The following PCSK9 variants were observed in gnomAD, a reference collection of about 807,000 sequenced individuals.
The protein encoded by PCSK9 is proprotein convertase subtilisin/kexin type 9, also known as convertase subtilisin/kexin type 9 preproprotein.
A neutral mutation model predicts 62.1 loss-of-function variants in PCSK9; 57 were observed. The observed-to-expected ratio is 0.92, with a 90% CI of 0.74 to 1.14. The LOEUF is 1.14. PCSK9 is among the 50% of genes most tolerant of loss of function. PCSK9 has a pLI of 0.00. For synonymous variants in PCSK9, 387 were observed against 409.4 expected (o/e 0.95, Z 0.66); for missense variants, 870 against 959.8 (o/e 0.91, Z 1.24).
rs28362206 is a variant in PCSK9, at chr1:55,040,788, G to A, written c.207+744G>A. On this transcript the variant is annotated intron_variant, in intron 1 of 11. Coordinates refer to ENST00000302118, the MANE Select transcript of PCSK9 (RefSeq NM_174936.4). The surrounding 1 kb of genome is among the most constrained non-coding windows in gnomAD (Gnocchi z 4.1). ...GTGCGCCTGGTACTGGGACCCCGGAGCTGAGCCCGGCGCCTCAGCCCACCT... is the reference window on the plus strand; with the variant it reads ...GTGCGCCTGGTACTGGGACCCCGGAACTGAGCCCGGCGCCTCAGCCCACCT... Among the ~76,000 whole-genome samples, 1,276 of 152,368 alleles carry A rather than the reference G, an allele frequency of 8.4e-3. 14 individuals carry two copies. The highest frequency in any genetic ancestry group is 0.028 in the African/African-American group (1,172 of 41,594).
intron 3 of PCSK9, among the ~76,000 whole-genome samples, chr1:55,050,050 G>A (rs114086698): frequency 0.015 from 2,292 of 152,324 alleles, 54 homozygotes; most frequent in African/African-American, 0.052. Flanking sequence ...CTCGATGTGC[G>A]TTGTGTGGCT....
chr1:55,042,896 G>A (rs1340421117), intron 1 of PCSK9, among the ~76,000 whole-genome samples: 1 of 152,194 alleles, frequency 6.6e-6, no homozygotes, highest in Non-Finnish European at 1.5e-5. Flanking sequence ...TGCCGTCCTT[G>A]TGATAATGAG....
chr1:55,044,976 T>C (rs1644623456), intron 2 of PCSK9, among the ~76,000 whole-genome samples: 1 of 152,162 alleles, frequency 6.6e-6, no homozygotes, highest in Non-Finnish European at 1.5e-5. Context: ...ATGCCTTCCA[T>C]CAGTCTGCTC....
chr1:55,057,068 C>CCGGT (rs10674598), intron 6 of PCSK9, among the ~76,000 whole-genome samples: 98,798 of 151,956 alleles, frequency 0.65, 33,853 homozygotes, highest in East Asian at 0.87. Flanking sequence ...CGAATAGTTT[C>CCGGT]CTATCTCCCC....
In PCSK9 at chr1:55,058,551, G is replaced by T. The variant is rs747317254; in HGVS notation, c.1407G>T (p.Arg469=). Residue 469 remains arginine, a synonymous_variant, in exon 9 of 12, where the codon CGG becomes CGT. Transcript: ENST00000302118. ...TVWSAHSGPT[R]MATAVARCAP... ...GGTCAGCACACTCGGGGCCTACACGGATGGCCACAGCCGTCGCCCGCTGCG... is the reference window on the plus strand; with the variant it reads ...GGTCAGCACACTCGGGGCCTACACGTATGGCCACAGCCGTCGCCCGCTGCG... The T allele has an allele frequency of 4.3e-6, 7 of 1,612,018 alleles. No homozygotes were observed. The South Asian group carries it at 7.7e-5, about 18-fold the overall frequency.
At position 55,058,037 on chromosome 1, in the gene PCSK9, C is replaced by G. The variant is rs1644729067; in HGVS notation, c.1182C>G (p.Gly394=). The change falls in exon 8 of 12, where the codon GGC becomes GGG. Residue 394 remains glycine (G), a splice_region_variant and synonymous_variant. Coordinates refer to ENST00000302118, the MANE Select transcript of PCSK9 (RefSeq NM_174936.4). ...TTTCACCATTCACCCCTGCACCAGG[C>G]ATTGCAGCCATGATGCTGTCTGCCG... ...GTSQAAAHVA[G]IAAMMLSAEP... is the part of the protein sequence containing the mutation. 6.2e-7 allele frequency: 1 copy of G among 1,613,558 alleles called. No homozygotes were observed. Among genetic ancestry groups the G allele is most frequent in the Non-Finnish European group, 8.5e-7 (1 of 1,180,042 alleles).
intron 2 of PCSK9, among the ~76,000 whole-genome samples, chr1:55,045,707 T>C (rs1644629386): frequency 6.6e-6 from 1 of 151,462 alleles, no homozygotes; most frequent in African/African-American, 2.4e-5. Context: ...CCATTTTTTT[T>C]TTTTTTTGAG....
At chr1:55,046,762 A>G (rs1272301021) in intron 3 of PCSK9, 116 bp downstream of exon 3, 21 of 1,134,106 alleles carry the variant, frequency 1.9e-5, no homozygotes, top group Non-Finnish European at 1.3e-6. Context: ...GGGACTCAGC[A>G]CCTCCACTGA....
chr1:55,060,402 G>C (rs1320266387), intron 10 of PCSK9, among the ~76,000 whole-genome samples: 1 of 152,196 alleles, frequency 6.6e-6, no homozygotes, highest in Non-Finnish European at 1.5e-5. Flanking sequence ...TCTCGTCTGA[G>C]CACGTCCAGG....
In PCSK9 at chr1:55,046,655, C is replaced by T. The variant is rs1644637700; in HGVS notation, c.523+9C>T. ...TGAATACCAGCCCCCCGGTAAGACC[C>T]CCATCTGTGCCCTGCCCCACCCCAT... On this transcript the variant is annotated intron_variant, in intron 3 of 11. Transcript: ENST00000302118. 2.5e-6 allele frequency: 4 copies of T among 1,613,574 alleles called. No homozygotes were observed. The highest frequency in any genetic ancestry group is 3.4e-6 in the Non-Finnish European group (4 of 1,179,912).
chr1:55,061,201 G>A (rs574988519), intron 10 of PCSK9, among the ~76,000 whole-genome samples, 174 bp from the exon 11 acceptor site: 1 of 152,352 alleles, frequency 6.6e-6, no homozygotes, highest in South Asian at 2.1e-4. Flanking sequence ...CAGCTGCAGA[G>A]TTGAGAACAC....
Position 55,039,978 on chromosome 1 carries a change from C to G in PCSK9, c.141C>G (p.Ser47=). ...AGGAGCTGGTGCTAGCCTTGCGTTC[C>G]GAGGAGGACGGCCTGGCCGAAGCAC... ...DYEELVLALR[S]EEDGLAEAPE... is the part of the protein sequence containing the mutation. The change falls in exon 1 of 12, where the codon TCC becomes TCG. Residue 47 remains serine, a synonymous_variant. Transcript: ENST00000302118. 1 of 1,580,726 alleles carries G rather than the reference C, an allele frequency of 6.3e-7. No individual in the cohort carries two copies.
rs1351927141 is a variant in PCSK9 at position 55,040,276 on chromosome 1, G to T, written c.207+232G>T. Among the ~76,000 whole-genome samples, 1 of 152,208 alleles carries T rather than the reference G, an allele frequency of 6.6e-6. No individual in the cohort carries two copies. The highest frequency in any genetic ancestry group is 2.4e-5 in the African/African-American group (1 of 41,466). ...GCCGGCTCTTTGGGGACTTGCTGGG[G>T]CGTGCGGCTGCGCTATTCAGTGGGA... On this transcript the variant is annotated intron_variant, in intron 1 of 11. Transcript: ENST00000302118. The surrounding 1 kb of genome is among the most constrained non-coding windows in gnomAD (Gnocchi z 4.1).
Position 55,039,683 on chromosome 1 carries a change from C to T in PCSK9, c.-155C>T, listed in dbSNP as rs1375459407. 1.1e-6 allele frequency: 1 copy of T among 884,998 alleles called. No homozygotes were observed. Among genetic ancestry groups the T allele is most frequent in the Non-Finnish European group, 1.7e-6 (1 of 583,140 alleles). The allele number at this position is 884,998 out of a possible 1,614,324, so 54.8% of individuals were successfully genotyped here. ...TCGTTGCAGCAGCGGCTCCCAGCTC[C>T]CAGCCAGGATTCCGCGCGCCCCTTC... On this transcript the variant is annotated 5_prime_UTR_variant, in exon 1 of 12. Transcript: ENST00000302118.
Position 55,058,128 on chromosome 1 carries a change from A to G in PCSK9, c.1273A>G (p.Asn425Asp), listed in dbSNP as rs1644730027. 4 of 1,613,550 alleles carry G rather than the reference A, an allele frequency of 2.5e-6. No homozygotes were observed. The highest frequency in any genetic ancestry group is 3.4e-6 in the Non-Finnish European group (4 of 1,180,036). ...CCACTTCTCTGCCAAAGATGTCATC[A>G]ATGAGGCCTGGTTCCCTGAGGACCA... is the stretch of plus-strand genomic sequence containing the variant. Reference protein sequence around the residue: ...LIHFSAKDVINEAWFPEDQRV... With the variant: ...LIHFSAKDVIDEAWFPEDQRV... Residue 425 changes from asparagine to aspartate, a missense_variant, in exon 8 of 12, where the codon AAT becomes GAT. Transcript: ENST00000302118.
At chr1:55,045,475 C>G (rs1231707831) in intron 2 of PCSK9, among the ~76,000 whole-genome samples, 4 of 152,134 alleles carry the variant, frequency 2.6e-5, no homozygotes, top group African/African-American at 9.7e-5. Context: ...GAAGTGGGGG[C>G]AGGTTAAGAA....
At chr1:55,046,816 G>A (rs547965847) in intron 3 of PCSK9, among the ~76,000 whole-genome samples, 170 bp downstream of exon 3, 39 of 151,968 alleles carry the variant, frequency 2.6e-4, no homozygotes, top group African/African-American at 8.9e-4. Flanking sequence ...AGCCCCCACT[G>A]CCTGCCTTCC....
chr1:55,058,552 A>G lies in PCSK9; in HGVS notation c.1408A>G (p.Met470Val). 6.2e-7 allele frequency: 1 copy of G among 1,612,094 alleles called. No individual in the cohort carries two copies. Residue 470 changes from methionine to valine, a missense_variant, in exon 9 of 12, where the codon ATG (methionine) becomes GTG (valine). Met to Val is a conservative substitution (Grantham distance 21). Coordinates refer to ENST00000302118, the MANE Select transcript of PCSK9 (RefSeq NM_174936.4). ...VWSAHSGPTR[M>V]ATAVARCAPD... The stretch of plus-strand genomic sequence containing the variant: ...GTCAGCACACTCGGGGCCTACACGG[A>G]TGGCCACAGCCGTCGCCCGCTGCGC...
intron 4 of PCSK9, 42 bp from the exon 5 acceptor site, chr1:55,052,607 GA>G (rs1184954932): frequency 6.2e-6 from 10 of 1,610,606 alleles, no homozygotes; most frequent in Non-Finnish European, 5.9e-6. Context: ...TTATAGGGTG[GA>G]GGGGGGGTCT....
Sources: gnomAD v4.1 joint callset for allele counts (sites outside exome capture counted in the v4.1 genomes callset) on GRCh38, gnomAD v4.1.1 for gene constraint, Gnocchi (gnomAD v3.1) non-coding constraint, MANE v1.5 for transcripts, NCBI Gene and HGNC (gene_info 2026-07-23, HGNC 2026-07-21) for gene names.